MOK: variants seen among roughly 807,000 people sequenced by gnomAD.
MOK encodes MOK protein kinase, also known as MAPK/MAK/MRK overlapping kinase.
Under a neutral mutation model 54.2 loss-of-function variants are expected in MOK, and 59 were observed. The ratio of observed to expected loss-of-function variants is 1.09; its 90% confidence interval spans 0.88 to 1.35. The LOEUF (loss-of-function observed/expected upper bound fraction) is 1.35, where lower values mean the gene tolerates loss of function less well. MOK is among the 40% of genes most tolerant of loss of function. The pLI is 0.00. For missense variants in MOK, 517 were observed against 526.2 expected, an observed-to-expected ratio of 0.98 and a Z score of 0.17; for synonymous variants, 210 against 202.7, an observed-to-expected ratio of 1.04 and a Z score of -0.31.
intron 4 of MOK, among the ~76,000 whole-genome samples, chr14:102,262,304 C>A (rs1415082672): frequency 6.6e-6 from 1 of 152,178 alleles, no homozygotes; most frequent in African/African-American, 2.4e-5. Flanking sequence ...CACCACCATG[C>A]CCGGCTAATT....
intron 1 of MOK, among the ~76,000 whole-genome samples, chr14:102,292,289 C>T (rs375151430): frequency 1.2e-4 from 18 of 151,618 alleles, no homozygotes; most frequent in Middle Eastern, 3.4e-3. Flanking sequence ...CTGGCTAACA[C>T]GGTGAAACCC....
chr14:102,257,250 C>T (rs1292713050), intron 4 of MOK, among the ~76,000 whole-genome samples: 1 of 152,046 alleles, frequency 6.6e-6, no homozygotes, highest in African/African-American at 2.4e-5. Context: ...GGAGGGAAGG[C>T]ATCTATTCTG....
At chr14:102,219,975 C>T (rs1742751636), downstream of MOK, among the ~76,000 whole-genome samples, 1 of 152,234 alleles carries the variant, frequency 6.6e-6, no homozygotes, top group South Asian at 2.1e-4. Context: ...CAATTGGCAT[C>T]AAGGCGTTAG....
intron 1 of MOK, among the ~76,000 whole-genome samples, chr14:102,284,210 C>G (rs557998962): frequency 1.3e-5 from 2 of 152,034 alleles, no homozygotes; most frequent in Admixed American, 1.3e-4. Flanking sequence ...CCCTGACTGA[C>G]AACAAATGAG....
chr14:102,248,289 C>T (rs1284131868), intron 7 of MOK, among the ~76,000 whole-genome samples: 4 of 152,172 alleles, frequency 2.6e-5, no homozygotes, highest in South Asian at 4.1e-4. Context: ...CTAGGCGCCA[C>T]GGTAAAGCCA....
At chr14:102,233,890 G>T in intron 7 of MOK, 101 bp from the exon 8 acceptor site, 1 of 826,968 alleles carries the variant, frequency 1.2e-6, no homozygotes, top group Non-Finnish European at 2.0e-6. Context: ...ATCGTGGGAA[G>T]CATAAACAAA....
At chr14:102,247,290 C>A (rs1342824427) in intron 7 of MOK, 2 of 152,244 alleles carry the variant, frequency 1.3e-5, no homozygotes, top group Non-Finnish European at 2.9e-5. Flanking sequence ...AACAGTACAT[C>A]TTTTTAGCAT....
rs147726627 is a variant in MOK, at chr14:102,292,195, C to T, written c.8-8603G>A. Among the ~76,000 whole-genome samples, 400 of 151,978 alleles carry T rather than the reference C, an allele frequency of 2.6e-3. 4 individuals carry two copies. Among genetic ancestry groups the T allele is most frequent in the African/African-American group, 9.1e-3 (376 of 41,428 alleles). On this transcript the variant is annotated intron_variant, in intron 1 of 11. Transcript: ENST00000361847. ...TGGTCAAATTATGGAGTACATAGGCCGGGTGCGGTGGCTCATGCCTGTAAT... is the reference window on the plus strand; with the variant it reads ...TGGTCAAATTATGGAGTACATAGGCTGGGTGCGGTGGCTCATGCCTGTAAT...
intron 4 of MOK, among the ~76,000 whole-genome samples, chr14:102,261,420 T>A (rs1311671794): frequency 0.066 from 794 of 12,078 alleles, 17 homozygotes; most frequent in Non-Finnish European, 0.087. Flanking sequence ...AAAAAAAAAA[T>A]ATATATATAT....
chr14:102,216,698 G>C, the MOK span, among the ~76,000 whole-genome samples: 4 of 152,220 alleles, frequency 2.6e-5, no homozygotes, highest in Admixed American at 2.6e-4. Flanking sequence ...GGGAGGCCGA[G>C]GCGGGTGGAT....
intron 7 of MOK, among the ~76,000 whole-genome samples, chr14:102,243,510 C>T (rs1225698289): frequency 1.3e-5 from 2 of 152,158 alleles, no homozygotes; most frequent in Admixed American, 1.3e-4. Flanking sequence ...CTTTTAGAGG[C>T]CCTCAAAATC....
intron 2 of MOK, among the ~76,000 whole-genome samples, chr14:102,269,335 C>T (rs944649633): frequency 6.7e-6 from 1 of 150,358 alleles, no homozygotes; most frequent in South Asian, 2.1e-4. Flanking sequence ...TACAGGTGCC[C>T]ACCACTATCC....
chr14:102,254,162 G>A (rs1347082861), intron 4 of MOK, among the ~76,000 whole-genome samples: 1 of 151,928 alleles, frequency 6.6e-6, no homozygotes, highest in Admixed American at 6.6e-5. Context: ...TAATTTTTTT[G>A]TATTTTCAGT....
At position 102,233,673 on chromosome 14, in the gene MOK, G is replaced by T; in HGVS notation, c.692+15C>A. ...GGGAGTGGGTCCACATCCACTCTCA[G>T]AACACAATACTTACTGTTTGAACTT... On this transcript the variant is annotated intron_variant, in intron 8 of 11. Transcript: ENST00000361847. 1 of 1,606,088 alleles carries T rather than the reference G, an allele frequency of 6.2e-7. No homozygotes were observed. Among genetic ancestry groups the T allele is most frequent in the South Asian group, 1.1e-5 (1 of 90,872 alleles).
At chr14:102,274,712 C>A (rs1182219127) in intron 2 of MOK, among the ~76,000 whole-genome samples, 1 of 151,762 alleles carries the variant, frequency 6.6e-6, no homozygotes, top group African/African-American at 2.4e-5. Flanking sequence ...CGGTAACTCA[C>A]GCCTGTAATC....
chr14:102,222,735 G>A (rs1024722299), downstream of MOK: 14 of 1,387,182 alleles, frequency 1.0e-5, no homozygotes, highest in Non-Finnish European at 1.4e-5. The surrounding 1 kb of genome is among the most constrained non-coding windows in gnomAD (Gnocchi z 4.4). Flanking sequence ...AACAGCACCA[G>A]TTTTGACCAC....
Position 102,236,997 on chromosome 14 carries a change from A to G in MOK, c.591-3208T>C, listed in dbSNP as rs974295121. Among the ~76,000 whole-genome samples, 1 of 151,864 alleles carries G rather than the reference A, an allele frequency of 6.6e-6. No individual in the cohort carries two copies. Among genetic ancestry groups the G allele is most frequent in the Non-Finnish European group, 1.5e-5 (1 of 67,938 alleles). ...ACACTTCTCTGTCTCATTCCCTCCA[A>G]CACCACCTGCTACACTGCTATTGAC... is the stretch of plus-strand genomic sequence containing the variant. On this transcript the variant is annotated intron_variant, in intron 7 of 11. Transcript: ENST00000361847. This position sits in a 1 kb window ranked among gnomAD's most constrained non-coding sequence, Gnocchi z 4.5.
rs145959588 is a variant in MOK at position 102,251,278 on chromosome 14, A to G, written c.412-288T>C. Among the ~76,000 whole-genome samples, 706 of 152,336 alleles carry G rather than the reference A, an allele frequency of 4.6e-3. 6 individuals carry two copies. The highest frequency in any genetic ancestry group is 0.016 in the African/African-American group (655 of 41,582). Reference sequence around the variant, plus strand: ...CCATTGGCGCTTCTACAAATGAACAACACACACTAGTCGTCTGTCCGGTCA... The same window carrying G: ...CCATTGGCGCTTCTACAAATGAACAGCACACACTAGTCGTCTGTCCGGTCA... On this transcript the variant is annotated intron_variant, in intron 6 of 11. Transcript: ENST00000361847.
intron 3 of MOK, among the ~76,000 whole-genome samples, chr14:102,265,607 CAT>C (rs2067833390): frequency 6.6e-6 from 1 of 151,658 alleles, no homozygotes; most frequent in Admixed American, 6.6e-5. Flanking sequence ...CTCCAGCCTG[CAT>C]GACAGAGAGA....
Sources: gnomAD v4.1 joint callset for allele counts (sites outside exome capture counted in the v4.1 genomes callset) on GRCh38, gnomAD v4.1.1 for gene constraint, Gnocchi (gnomAD v3.1) non-coding constraint, MANE v1.5 for transcripts, NCBI Gene and HGNC (gene_info 2026-07-23, HGNC 2026-07-21) for gene names.